Variants in EIF4E2 observed in about 807,000 individuals in gnomAD.
EIF4E2 encodes eukaryotic translation initiation factor 4E family member 2, also known as eukaryotic translation initiation factor 4E type 2.
In EIF4E2, 13 loss-of-function variants were observed where a neutral mutation model predicts 34.2. The observed-to-expected ratio is 0.38, with a 90% confidence interval of 0.25 to 0.60. The LOEUF is 0.60. Among genes scored for constraint, EIF4E2 ranks in the 20% least tolerant of loss-of-function variants. EIF4E2 has a pLI of 0.62. For missense variants in EIF4E2, 222 were observed against 315.1 expected (o/e 0.70, Z 2.24); for synonymous variants, 100 against 106.6 (o/e 0.94, Z 0.38).
At chr2:232,569,370 T>G (rs143818222), downstream of EIF4E2, among the ~76,000 whole-genome samples, 441 of 152,318 alleles carry the variant, frequency 2.9e-3, 2 homozygotes, top group African/African-American at 9.7e-3. Context: ...TGTGGTATTT[T>G]GTTCCAGGAC....
At chr2:232,563,082 T>C (rs1692779364) in intron 3 of EIF4E2, among the ~76,000 whole-genome samples, 1 of 152,206 alleles carries the variant, frequency 6.6e-6, no homozygotes, top group South Asian at 2.1e-4. Flanking sequence ...CGATACCCAT[T>C]GTCAGCTCCA....
In EIF4E2 at chr2:232,569,171, C is replaced by T. The variant is rs1205852323; in HGVS notation, c.*154C>T. 7 of 1,454,662 alleles carry T rather than the reference C, an allele frequency of 4.8e-6. No homozygotes were observed. The highest frequency in any genetic ancestry group is 5.4e-6 in the Non-Finnish European group (6 of 1,105,444). The allele number at this position is 1,454,662 out of a possible 1,614,324, so 90.1% of individuals were successfully genotyped here. ...AGAACAGGCTGACACGCAGCAGCTACAACAACAGCTGAGATCACTTAATAA... is the reference window on the plus strand; with the variant it reads ...AGAACAGGCTGACACGCAGCAGCTATAACAACAGCTGAGATCACTTAATAA... On this transcript the variant is annotated 3_prime_UTR_variant, in exon 7 of 7. Transcript: ENST00000258416.
intron 3 of EIF4E2, among the ~76,000 whole-genome samples, chr2:232,563,672 T>C (rs1692806827): frequency 6.6e-6 from 1 of 152,120 alleles, no homozygotes; most frequent in South Asian, 2.1e-4. Flanking sequence ...ATTCTATCAC[T>C]TACGCTTAGT....
chr2:232,553,720 C>T (rs894819153), intron 1 of EIF4E2: 1 of 152,116 alleles, frequency 6.6e-6, no homozygotes, highest in Non-Finnish European at 1.5e-5. Flanking sequence ...TGGTTAGTTC[C>T]ACTCTCAGGT....
chr2:232,581,420 G>T lies in EIF4E2; in HGVS notation c.*477G>T. ...TTCTAGCTCTGCCATTAAATTATTGGGACATTTTGTTTCTTTCTCTCCCCT... is the reference window on the plus strand; with the variant it reads ...TTCTAGCTCTGCCATTAAATTATTGTGACATTTTGTTTCTTTCTCTCCCCT... On this transcript the variant is annotated 3_prime_UTR_variant, in exon 7 of 7. Transcript: ENST00000409098. The surrounding 1 kb of genome is among the most constrained non-coding windows in gnomAD (Gnocchi z 5.2). 3.4e-6 allele frequency: 1 copy of T among 294,986 alleles called. No individual in the cohort carries two copies. The highest frequency in any genetic ancestry group is 3.1e-5 in the South Asian group (1 of 32,486). The allele number at this position is 294,986 out of a possible 1,614,324, so 18.3% of individuals were successfully genotyped here.
exon 7 of EIF4E2, chr2:232,582,034 CCT>C (rs1693371550): frequency 6.6e-6 from 1 of 152,430 alleles, no homozygotes; most frequent in African/African-American, 2.4e-5. Flanking sequence ...CAGGCAGAAA[CCT>C]CTTGAAGACT....
chr2:232,552,210 CAT>C (rs151194816), intron 1 of EIF4E2, among the ~76,000 whole-genome samples: 4 of 151,510 alleles, frequency 2.6e-5, no homozygotes, highest in Non-Finnish European at 4.4e-5. Context: ...AGGTATTTTT[CAT>C]ATATATATAT....
chr2:232,579,025 G>A (rs1413755836), intron 6 of EIF4E2, among the ~76,000 whole-genome samples: 1 of 152,058 alleles, frequency 6.6e-6, no homozygotes, highest in Non-Finnish European at 1.5e-5. Flanking sequence ...CTGTTCCTGT[G>A]AAATCACTTT....
At chr2:232,564,910 A>G (rs901621527) in intron 4 of EIF4E2, among the ~76,000 whole-genome samples, 1 of 152,246 alleles carries the variant, frequency 6.6e-6, no homozygotes, top group Non-Finnish European at 1.5e-5. Context: ...GTATTAGAAC[A>G]TTAAAGGATT....
intron 6 of EIF4E2, chr2:232,568,646 A>G (rs1354344482): frequency 1.0e-6 from 1 of 985,040 alleles, no homozygotes; most frequent in Non-Finnish European, 1.2e-6. Flanking sequence ...TTTTTCATCA[A>G]TTCTCCCCTT....
intron 1 of EIF4E2, among the ~76,000 whole-genome samples, chr2:232,552,410 G>A (rs919844524): frequency 3.9e-5 from 6 of 152,022 alleles, no homozygotes; most frequent in Middle Eastern, 3.4e-3. Context: ...ACGGGGTTTC[G>A]CCATGTTGCC....
chr2:232,572,587 G>A (rs1373399136), downstream of EIF4E2, among the ~76,000 whole-genome samples: 5 of 152,030 alleles, frequency 3.3e-5, no homozygotes, highest in Admixed American at 1.3e-4. Flanking sequence ...GGCTGGTCTC[G>A]AACTCCTGAA....
intron 6 of EIF4E2, chr2:232,567,810 A>G (rs1485267663): frequency 3.0e-6 from 3 of 985,606 alleles, no homozygotes; most frequent in Admixed American, 6.1e-5. Flanking sequence ...CTCTCTGTCC[A>G]CAGTGAGAAT....
chr2:232,574,533 CTTA>C, intron 6 of EIF4E2, among the ~76,000 whole-genome samples: 1 of 152,324 alleles, frequency 6.6e-6, no homozygotes, highest in South Asian at 2.1e-4. Context: ...GCTACGTCAC[CTTA>C]TTATGCCCCT....
chr2:232,555,263 G>A (rs778410737), intron 1 of EIF4E2, among the ~76,000 whole-genome samples: 7 of 152,184 alleles, frequency 4.6e-5, no homozygotes, highest in Non-Finnish European at 8.8e-5. Flanking sequence ...GCCTAATTTC[G>A]TTTGACCACA....
At chr2:232,560,545 G>A (rs759973189) in intron 3 of EIF4E2, among the ~76,000 whole-genome samples, 12 of 152,222 alleles carry the variant, frequency 7.9e-5, no homozygotes, top group Non-Finnish European at 1.8e-4. Flanking sequence ...GGAGGCCAAG[G>A]CAGGAGGATG....
chr2:232,572,356 TTTTTGTTTTG>T (rs960590492), downstream of EIF4E2, among the ~76,000 whole-genome samples: 1 of 152,040 alleles, frequency 6.6e-6, no homozygotes, highest in Non-Finnish European at 1.5e-5. Flanking sequence ...GAAATTTCTT[TTTTTGTTTTG>T]TTTTGTTTTG....
At position 232,569,099 on chromosome 2, in the gene EIF4E2, T is replaced by A. The variant is rs1693030221; in HGVS notation, c.*82T>A. 14 of 1,570,544 alleles carry A rather than the reference T, an allele frequency of 8.9e-6. No individual in the cohort carries two copies. The highest frequency in any genetic ancestry group is 1.2e-5 in the Non-Finnish European group (14 of 1,156,408). On this transcript the variant is annotated 3_prime_UTR_variant, in exon 7 of 7. Coordinates refer to ENST00000258416, the MANE Select transcript of EIF4E2 (RefSeq NM_004846.4). ...TTCTGTTGGCGTGCTACCTGGAAGA[T>A]CCTTCTGTCCTGGACAAGAGGAATT...
intron 2 of EIF4E2, chr2:232,557,644 T>C: frequency 2.1e-6 from 1 of 468,740 alleles, no homozygotes; most frequent in Non-Finnish European, 3.8e-6. Context: ...ATACCTATTA[T>C]ATGAGGGAGA....
Sources: allele counts gnomAD v4.1 joint callset (sites outside exome capture counted in the v4.1 genomes callset), GRCh38; gene constraint gnomAD v4.1.1; non-coding constraint Gnocchi (gnomAD v3.1); transcripts MANE v1.5; gene names NCBI Gene and HGNC (gene_info 2026-07-23, HGNC 2026-07-21).